Variants in RIMS2 observed in about 807,000 individuals in gnomAD.
RIMS2 encodes the protein regulating synaptic membrane exocytosis 2.
In RIMS2, 59 loss-of-function variants were observed where a neutral mutation model predicts 174.4. The ratio of observed to expected loss-of-function variants is 0.34; its 90% CI spans 0.27 to 0.42. The LOEUF (loss-of-function observed/expected upper bound fraction) is 0.42. RIMS2 is among the 10% of genes least tolerant of loss of function. RIMS2 has a pLI of 1.00. For missense variants in RIMS2, 1,620 were observed against 1,666.3 expected, an observed-to-expected ratio of 0.97 and a Z score of 0.48; for synonymous variants, 606 against 572.5, an observed-to-expected ratio of 1.06 and a Z score of -0.84.
At chr8:103,573,212 C>T (rs911204308) in intron 1 of RIMS2, among the ~76,000 whole-genome samples, 1 of 151,726 alleles carries the variant, frequency 6.6e-6, no homozygotes, top group Non-Finnish European at 1.5e-5. Flanking sequence ...CATGCCACCA[C>T]GCCCAGCTAA....
chr8:103,789,137 C>G, intron 3 of RIMS2, among the ~76,000 whole-genome samples: 1 of 152,260 alleles, frequency 6.6e-6, no homozygotes. Flanking sequence ...GGCTCGTGCA[C>G]GGTGCGCGCA....
chr8:103,614,334 G>A (rs979485493), intron 1 of RIMS2, among the ~76,000 whole-genome samples: 2 of 152,258 alleles, frequency 1.3e-5, no homozygotes, highest in African/African-American at 4.8e-5. Context: ...TGAGATCTGT[G>A]TAATGTCCCC....
intron 5 of RIMS2, chr8:103,910,496 A>T: frequency 6.3e-7 from 1 of 1,597,110 alleles, no homozygotes; most frequent in African/African-American, 1.3e-5. Flanking sequence ...GTAGTAGCAC[A>T]ACCCTTAACG....
chr8:104,027,005 G>A lies in RIMS2; in HGVS notation c.3334+12390G>A, dbSNP rs188535125. ...CCATGTGTCCAAAATTAATATGAGAGAGATTCAGGGATACTTTAAAATACC... is the reference window on the plus strand; with the variant it reads ...CCATGTGTCCAAAATTAATATGAGAAAGATTCAGGGATACTTTAAAATACC... On this transcript the variant is annotated intron_variant, in intron 19 of 23. Coordinates refer to ENST00000504942, the Ensembl canonical transcript of RIMS2. 4.5e-3 allele frequency among the ~76,000 whole-genome samples: 691 copies of A among 152,262 alleles called. 6 individuals carry two copies. Among genetic ancestry groups the A allele is most frequent in the African/African-American group, 0.016 (661 of 41,564 alleles).
At chr8:104,216,151 A>C (rs2099128780) in intron 19 of RIMS2, among the ~76,000 whole-genome samples, 2 of 152,228 alleles carry the variant, frequency 1.3e-5, no homozygotes, top group Admixed American at 1.3e-4. Flanking sequence ...GATTCCTAAA[A>C]CTTTTTGAAG....
chr8:103,848,650 A>G (rs1346858299), intron 3 of RIMS2, among the ~76,000 whole-genome samples: 1 of 151,998 alleles, frequency 6.6e-6, no homozygotes, highest in Non-Finnish European at 1.5e-5. Context: ...GCTCTATTCT[A>G]GAACCCTATG....
chr8:104,251,776 T>C, exon 24 of RIMS2: 1 of 1,611,218 alleles, frequency 6.2e-7, no homozygotes, highest in Non-Finnish European at 8.5e-7. Context: ...AGCTTCCCAA[T>C]CATCTCTGGA....
chr8:104,064,355 A>T (rs2097064240), intron 19 of RIMS2, among the ~76,000 whole-genome samples: 1 of 152,242 alleles, frequency 6.6e-6, no homozygotes, highest in East Asian at 1.9e-4. Flanking sequence ...TTTCCAATTT[A>T]AAAAAATGAA....
At chr8:103,546,333 T>C (rs1265059493) in intron 1 of RIMS2, among the ~76,000 whole-genome samples, 1 of 152,170 alleles carries the variant, frequency 6.6e-6, no homozygotes, top group East Asian at 1.9e-4. Flanking sequence ...AAGAGTTAAC[T>C]ATCCTAAATA....
At chr8:103,782,534 G>C (rs1242512411) in intron 3 of RIMS2, among the ~76,000 whole-genome samples, 1 of 151,516 alleles carries the variant, frequency 6.6e-6, no homozygotes, top group African/African-American at 2.4e-5. Flanking sequence ...CAATCACTTG[G>C]TTAAAGAATG....
At chr8:103,665,250 A>G (rs967837229) in intron 1 of RIMS2, among the ~76,000 whole-genome samples, 6 of 152,242 alleles carry the variant, frequency 3.9e-5, no homozygotes, top group African/African-American at 9.6e-5. Context: ...CGTTGTGCAT[A>G]TGTACCCTAG....
At chr8:103,554,814 G>A (rs577680838) in intron 1 of RIMS2, among the ~76,000 whole-genome samples, 2 of 152,236 alleles carry the variant, frequency 1.3e-5, no homozygotes, top group East Asian at 3.9e-4. Context: ...ACTGAATAAA[G>A]GAAATGTGAT....
At chr8:103,725,645 T>C (rs1380015596) in intron 2 of RIMS2, among the ~76,000 whole-genome samples, 1 of 152,210 alleles carries the variant, frequency 6.6e-6, no homozygotes, top group Non-Finnish European at 1.5e-5. Flanking sequence ...GGATTGCTTC[T>C]AGTGTTGTTG....
At chr8:103,617,893 T>A (rs967925560) in intron 1 of RIMS2, among the ~76,000 whole-genome samples, 1 of 152,164 alleles carries the variant, frequency 6.6e-6, no homozygotes, top group South Asian at 2.1e-4. Flanking sequence ...GGAAAACTTA[T>A]AAAGTGTTGG....
chr8:103,703,555 A>C (rs1423293382), intron 2 of RIMS2, among the ~76,000 whole-genome samples: 1 of 152,112 alleles, frequency 6.6e-6, no homozygotes, highest in Non-Finnish European at 1.5e-5. Flanking sequence ...TATTTTATGT[A>C]TAGCATTGAA....
intron 19 of RIMS2, among the ~76,000 whole-genome samples, chr8:104,187,195 T>C (rs2098972833): frequency 6.6e-6 from 1 of 151,830 alleles, no homozygotes; most frequent in African/African-American, 2.4e-5. Context: ...ATGGATTTCA[T>C]GAGGCAAACT....
intron 19 of RIMS2, among the ~76,000 whole-genome samples, chr8:104,064,094 A>C (rs1180781410): frequency 6.6e-6 from 1 of 152,170 alleles, no homozygotes; most frequent in Non-Finnish European, 1.5e-5. Context: ...CTAGAAGTTA[A>C]CTTTTTTTAT....
At chr8:103,732,750 G>A (rs1233360403) in intron 2 of RIMS2, among the ~76,000 whole-genome samples, 1 of 152,082 alleles carries the variant, frequency 6.6e-6, no homozygotes, top group East Asian at 1.9e-4. Context: ...CTACTACTTG[G>A]CTTCTGCTGA....
chr8:103,755,324 G>T (rs187515405), intron 2 of RIMS2, among the ~76,000 whole-genome samples: 434 of 152,284 alleles, frequency 2.8e-3, no homozygotes, highest in Non-Finnish European at 4.8e-3. Flanking sequence ...GCTTCCCTTT[G>T]TGGGTAACCT....
Sources: allele counts gnomAD v4.1 joint callset (sites outside exome capture counted in the v4.1 genomes callset), GRCh38; gene constraint gnomAD v4.1.1; transcripts MANE v1.5; gene names NCBI Gene and HGNC (gene_info 2026-07-23, HGNC 2026-07-21).